Variants in LPP observed in about 807,000 individuals in gnomAD.
The protein encoded by LPP is LIM domain containing preferred translocation partner in lipoma, also known as lipoma-preferred partner.
Under a neutral mutation model 60.4 loss-of-function variants are expected in LPP, and 38 were observed. That is an observed-to-expected ratio of 0.63 (90% CI 0.49 to 0.83). The LOEUF (loss-of-function observed/expected upper bound fraction) is 0.83, where lower values mean the gene tolerates loss of function less well. Ranked by LOEUF, LPP falls within the 40% of genes least tolerant of loss-of-function variation. LPP has a pLI of 0.00. For synonymous variants in LPP, 328 were observed against 290.8 expected, an observed-to-expected ratio of 1.13 and a Z score of -1.30; for missense variants, 902 against 783.6, an observed-to-expected ratio of 1.15 and a Z score of -1.80.
intron 2 of LPP, among the ~76,000 whole-genome samples, chr3:188,309,039 T>C (rs1752542032): frequency 2.2e-5 from 2 of 90,590 alleles, no homozygotes; most frequent in African/African-American, 8.6e-5. Flanking sequence ...TTTTTTTTTT[T>C]GATATGGAGT....
chr3:188,179,177 T>C (rs757509716), intron 1 of LPP: 55 of 446,362 alleles, frequency 1.2e-4, no homozygotes, highest in African/African-American at 8.7e-4. Flanking sequence ...CCTATTATCA[T>C]AGAAGCATGC....
rs113640017 is a variant in LPP, at chr3:188,324,741, A to T, written c.-66-16922A>T. Among the ~76,000 whole-genome samples, 949 of 152,266 alleles carry T rather than the reference A, an allele frequency of 6.2e-3. 7 individuals are homozygous for T. Among genetic ancestry groups the T allele is most frequent in the African/African-American group, 0.021 (890 of 41,538 alleles). On this transcript the variant is annotated intron_variant, in intron 2 of 11. Transcript: ENST00000617246. ...TTTTCCACACCATCTGGAGAGATCT[A>T]AAATTGTTGGTCAGATCATATCACA...
At chr3:188,555,799 A>T (rs772044984) in intron 6 of LPP, among the ~76,000 whole-genome samples, 2 of 152,088 alleles carry the variant, frequency 1.3e-5, no homozygotes, top group Non-Finnish European at 2.9e-5. Flanking sequence ...ACAGCTGTAT[A>T]TTTGAGTCTG....
intron 7 of LPP, among the ~76,000 whole-genome samples, chr3:188,624,377 A>G (rs1458827114): frequency 6.6e-6 from 1 of 152,248 alleles, no homozygotes; most frequent in African/African-American, 2.4e-5. Context: ...TGTTCCATTT[A>G]CTAATCACAT....
At chr3:188,415,570 G>A (rs1224969209) in intron 4 of LPP, among the ~76,000 whole-genome samples, 1 of 151,896 alleles carries the variant, frequency 6.6e-6, no homozygotes, top group Non-Finnish European at 1.5e-5. Context: ...AGATGTTTCA[G>A]TGAAGTCTGG....
chr3:188,315,359 G>C (rs1754720128), intron 2 of LPP, among the ~76,000 whole-genome samples: 1 of 151,726 alleles, frequency 6.6e-6, no homozygotes, highest in Admixed American at 6.6e-5. Flanking sequence ...TTTATGTGTT[G>C]GCTCTACCAC....
At chr3:188,326,893 A>G (rs1560252725) in intron 2 of LPP, among the ~76,000 whole-genome samples, 1 of 151,934 alleles carries the variant, frequency 6.6e-6, no homozygotes, top group Non-Finnish European at 1.5e-5. Flanking sequence ...AAGCATTCTT[A>G]TTTTTCCTCA....
chr3:188,313,085 T>A (rs1753951640), intron 2 of LPP, among the ~76,000 whole-genome samples: 1 of 151,850 alleles, frequency 6.6e-6, no homozygotes, highest in African/African-American at 2.4e-5. Flanking sequence ...TATACATATG[T>A]AACAAATCTG....
intron 1 of LPP, among the ~76,000 whole-genome samples, chr3:188,189,666 A>T (rs967707647): frequency 4.7e-5 from 7 of 148,850 alleles, no homozygotes; most frequent in African/African-American, 1.7e-4. Flanking sequence ...TGAAAAGAAT[A>T]AAAAAAAAAG....
At chr3:188,316,275 T>C (rs1405214550) in intron 2 of LPP, among the ~76,000 whole-genome samples, 1 of 152,072 alleles carries the variant, frequency 6.6e-6, no homozygotes, top group Non-Finnish European at 1.5e-5. Flanking sequence ...TGAAACTCTG[T>C]CTCAAAAAAA....
intron 1 of LPP, among the ~76,000 whole-genome samples, chr3:188,192,762 T>C (rs1728521210): frequency 6.6e-6 from 1 of 152,150 alleles, no homozygotes; most frequent in Admixed American, 6.6e-5. Flanking sequence ...GTGACATCCA[T>C]GAGAAACAGG....
At chr3:188,676,356 G>A (rs923569944) in intron 7 of LPP, among the ~76,000 whole-genome samples, 1 of 152,124 alleles carries the variant, frequency 6.6e-6, no homozygotes, top group Non-Finnish European at 1.5e-5. Context: ...TCTACTCCGT[G>A]TCGCCACATC....
At chr3:188,266,079 G>A (rs1307089253) in intron 2 of LPP, among the ~76,000 whole-genome samples, 1 of 152,036 alleles carries the variant, frequency 6.6e-6, no homozygotes, top group Non-Finnish European at 1.5e-5. Flanking sequence ...GCTTCTAGAA[G>A]GTGATGTGAG....
In LPP at chr3:188,887,259, C is replaced by T. The variant is rs1432244569; in HGVS notation, c.*12780C>T. 1.4e-5 allele frequency: 3 copies of T among 218,966 alleles called. No individual in the cohort carries two copies. The highest frequency in any genetic ancestry group is 2.7e-5 in the Non-Finnish European group (3 of 109,126). 13.6% of individuals were successfully genotyped at this position (218,966 alleles called of 1,614,324 possible). ...CTAGCTTTTCTTAGATACATTTCTT[C>T]CTTTTTTATTCTTTCTTGGGAGACG... is the stretch of plus-strand genomic sequence containing the variant. On this transcript the variant is annotated 3_prime_UTR_variant, in exon 12 of 12. Transcript: ENST00000617246.
At chr3:188,512,050 A>G (rs1009557871) in intron 5 of LPP, among the ~76,000 whole-genome samples, 2 of 152,202 alleles carry the variant, frequency 1.3e-5, no homozygotes, top group Non-Finnish European at 2.9e-5. Context: ...TATACAAACT[A>G]CCTTACCTTT....
chr3:188,387,834 G>A (rs1778715354), intron 3 of LPP, among the ~76,000 whole-genome samples: 1 of 152,048 alleles, frequency 6.6e-6, no homozygotes, highest in South Asian at 2.1e-4. Flanking sequence ...CAAAGTGCTG[G>A]GATTACAGGC....
At chr3:188,589,572 A>G (rs2151076847) in intron 6 of LPP, among the ~76,000 whole-genome samples, 1 of 152,336 alleles carries the variant, frequency 6.6e-6, no homozygotes, top group African/African-American at 2.4e-5. Flanking sequence ...GAATGCCAGT[A>G]TGTCTTTAAA....
intron 4 of LPP, among the ~76,000 whole-genome samples, chr3:188,409,831 G>A (rs1044148907): frequency 2.6e-5 from 4 of 152,182 alleles, no homozygotes; most frequent in African/African-American, 9.7e-5. Context: ...AATCCATCTT[G>A]TTCTGACGTA....
At chr3:188,545,544 G>T (rs1404194972) in intron 6 of LPP, among the ~76,000 whole-genome samples, 1 of 152,010 alleles carries the variant, frequency 6.6e-6, no homozygotes, top group Non-Finnish European at 1.5e-5. Flanking sequence ...GCTTAACTCT[G>T]TTCTGTGAAA....
Sources: gnomAD v4.1 joint callset for allele counts (sites outside exome capture counted in the v4.1 genomes callset) on GRCh38, gnomAD v4.1.1 for gene constraint, MANE v1.5 for transcripts, NCBI Gene and HGNC (gene_info 2026-07-23, HGNC 2026-07-21) for gene names.